The following SLC10A6 variants were observed in gnomAD, a reference collection of about 807,000 sequenced individuals.
SLC10A6 encodes sodium-dependent organic anion transporter.
SLC10A6 carries 27 observed loss-of-function variants against 30.0 expected under a neutral mutation model. That is an observed-to-expected ratio of 0.90 (90% CI 0.66 to 1.24). The LOEUF (loss-of-function observed/expected upper bound fraction) is 1.24. SLC10A6 is among the 50% of genes most tolerant of loss of function. The pLI is 0.00. For synonymous variants in SLC10A6, 166 were observed against 173.8 expected (o/e 0.95, Z 0.36); for missense variants, 439 against 457.0 (o/e 0.96, Z 0.36).
At chr4:86,830,617 G>A in intron 3 of SLC10A6, among the ~76,000 whole-genome samples, 1 of 152,112 alleles carries the variant, frequency 6.6e-6, no homozygotes, top group Middle Eastern at 3.2e-3. Flanking sequence ...CGCACTGAAG[G>A]AATGGTGGGA....
At chr4:86,848,090 C>T (rs1166709999) in intron 1 of SLC10A6, among the ~76,000 whole-genome samples, 2 of 152,132 alleles carry the variant, frequency 1.3e-5, no homozygotes, top group African/African-American at 4.8e-5. Context: ...AGGTCACTGG[C>T]TTAAAGGGAA....
intron 3 of SLC10A6, among the ~76,000 whole-genome samples, chr4:86,831,369 T>C (rs1408214853): frequency 1.3e-5 from 2 of 152,186 alleles, no homozygotes; most frequent in African/African-American, 2.4e-5. Context: ...CAGGAATGCT[T>C]CTGCAAGACA....
In SLC10A6 at chr4:86,848,960, G is replaced by A. The variant is rs536447180; in HGVS notation, c.156C>T (p.Ser52=). ...GCGACCACAGCTTCCGGATCTCCAC[G>A]GAACATCCCAAAGAGAACATGAGCA... The part of the protein sequence containing the change: ...MGLLMFSLGC[S]VEIRKLWSHI... Residue 52 remains serine (S), a synonymous_variant, in exon 1 of 6, where the codon TCC becomes TCT. Transcript: ENST00000273905. 1.2e-5 allele frequency: 20 copies of A among 1,614,082 alleles called. No individual in the cohort carries two copies. In the East Asian group the frequency reaches 2.9e-4, roughly 23 times the overall value.
chr4:86,848,584 G>T (rs1316625012), intron 1 of SLC10A6, among the ~76,000 whole-genome samples, 155 bp downstream of exon 1: 6 of 152,166 alleles, frequency 3.9e-5, no homozygotes, highest in Non-Finnish European at 7.4e-5. Flanking sequence ...TGAAAGGAAA[G>T]CCCACCCATG....
Position 86,848,978 on chromosome 4 carries a change from C to T in SLC10A6, c.138G>A (p.Met46Ile). Residue 46 changes from methionine to isoleucine, a missense_variant, in exon 1 of 6, where the codon ATG becomes ATA. Met to Ile is a conservative substitution (Grantham distance 10, BLOSUM62 1). Coordinates refer to ENST00000273905, the MANE Select transcript of SLC10A6 (RefSeq NM_197965.3). ...VVSTVMMGLLMFSLGCSVEIR... is the reference protein window; with the variant it reads ...VVSTVMMGLLIFSLGCSVEIR... The stretch of plus-strand genomic sequence containing the variant: ...TCTCCACGGAACATCCCAAAGAGAA[C>T]ATGAGCAGCCCCATCATCACAGTGG... 1 of 1,614,144 alleles carries T rather than the reference C, an allele frequency of 6.2e-7. No homozygotes were observed. Among genetic ancestry groups the T allele is most frequent in the Middle Eastern group, 1.6e-4 (1 of 6,062 alleles).
chr4:86,842,849 T>G (rs1746323093), intron 1 of SLC10A6, among the ~76,000 whole-genome samples: 4 of 59,808 alleles, frequency 6.7e-5, no homozygotes, highest in African/African-American at 2.9e-4. Context: ...TTTCTTTCTT[T>G]CTTTCTTTCT....
intron 1 of SLC10A6, among the ~76,000 whole-genome samples, chr4:86,839,604 T>A (rs1045746907): frequency 2.0e-5 from 3 of 152,250 alleles, no homozygotes; most frequent in African/African-American, 7.2e-5. Flanking sequence ...AAATATGCCA[T>A]AATTTCTTCA....
chr4:86,843,299 C>G lies in SLC10A6; in HGVS notation c.377+5440G>C, dbSNP rs554736875. 8.5e-5 allele frequency among the ~76,000 whole-genome samples: 13 copies of G among 152,194 alleles called. No individual in the cohort carries two copies. The South Asian group carries it at 1.5e-3, about 17-fold the overall frequency. On this transcript the variant is annotated intron_variant, in intron 1 of 5. Coordinates refer to ENST00000273905, the MANE Select transcript of SLC10A6 (RefSeq NM_197965.3). ...TACTGTGCAAGCAAAGATGAGCAAG[C>G]CTTCCAGGAGCTTACAGATATAGTA... is the stretch of plus-strand genomic sequence containing the variant.
intron 1 of SLC10A6, among the ~76,000 whole-genome samples, chr4:86,847,855 A>G (rs953874155): frequency 3.3e-5 from 5 of 152,230 alleles, no homozygotes; most frequent in African/African-American, 1.2e-4. Context: ...CAGGGCAGGA[A>G]GTGAAACGGC....
chr4:86,837,225 G>GAA (rs1553899171), intron 1 of SLC10A6, among the ~76,000 whole-genome samples: 605 of 38,984 alleles, frequency 0.016, 5 homozygotes, highest in African/African-American at 0.024. Context: ...GAGAGAGAGA[G>GAA]AGAAAGAAAG....
chr4:86,839,094 A>G (rs933714894), intron 1 of SLC10A6, among the ~76,000 whole-genome samples: 1 of 151,690 alleles, frequency 6.6e-6, no homozygotes, highest in Non-Finnish European at 1.5e-5. Flanking sequence ...TTATTTCATG[A>G]TTGTTTGTTA....
intron 1 of SLC10A6, 126 bp downstream of exon 1, chr4:86,848,613 A>G (rs1006964974): frequency 8.0e-7 from 1 of 1,255,792 alleles, no homozygotes; most frequent in South Asian, 1.5e-5. Flanking sequence ...AGTCTCTGTG[A>G]TATTTGTAAC....
chr4:86,846,898 T>G (rs1578761954), intron 1 of SLC10A6, among the ~76,000 whole-genome samples: 2 of 152,114 alleles, frequency 1.3e-5, no homozygotes, highest in African/African-American at 4.8e-5. Context: ...AAGATAAGAG[T>G]TGGCAAAAGA....
rs1377897278 is a variant in SLC10A6 at position 86,823,541 on chromosome 4, T to G, written c.*147A>C. ...TCTCCAAAAGTGATCCCATCACAATTCACAATCCACATGAAAATATAAATA... is the reference window on the plus strand; with the variant it reads ...TCTCCAAAAGTGATCCCATCACAATGCACAATCCACATGAAAATATAAATA... On this transcript the variant is annotated 3_prime_UTR_variant, in exon 6 of 6. Transcript: ENST00000273905. 1.5e-6 allele frequency: 1 copy of G among 662,386 alleles called. No individual in the cohort carries two copies. Among genetic ancestry groups the G allele is most frequent in the African/African-American group, 1.8e-5 (1 of 54,876 alleles). 41.0% of individuals were successfully genotyped at this position (662,386 alleles called of 1,614,324 possible).
At position 86,849,181 on chromosome 4, in the gene SLC10A6, T is replaced by C; in HGVS notation, c.-66A>G. Reference sequence around the variant, plus strand: ...CAACAATGGCTGGGCAGGTCTATCCTGCCACATTTTGTAATAGTGCAACGA... The same window carrying C: ...CAACAATGGCTGGGCAGGTCTATCCCGCCACATTTTGTAATAGTGCAACGA... On this transcript the variant is annotated 5_prime_UTR_variant, in exon 1 of 6. Coordinates refer to ENST00000273905, the MANE Select transcript of SLC10A6 (RefSeq NM_197965.3). The C allele has an allele frequency of 4.6e-6, 7 of 1,525,738 alleles. No individual in the cohort carries two copies. Among genetic ancestry groups the C allele is most frequent in the East Asian group, 2.3e-5 (1 of 44,274 alleles). 94.5% of individuals were successfully genotyped at this position (1,525,738 alleles called of 1,614,324 possible). A position where few individuals can be genotyped will look rare whatever the true frequency, so the allele number is the denominator to read the frequency against.
intron 4 of SLC10A6, 120 bp from the exon 5 acceptor site, chr4:86,825,697 A>G (rs913792647): frequency 4.7e-6 from 5 of 1,074,214 alleles, no homozygotes; most frequent in Non-Finnish European, 6.4e-6. Context: ...ATGTGTACTC[A>G]TTCCATAGTT....
intron 1 of SLC10A6, among the ~76,000 whole-genome samples, chr4:86,835,663 T>G (rs778423643): frequency 7.3e-6 from 1 of 136,824 alleles, no homozygotes; most frequent in Admixed American, 7.7e-5. Context: ...TGAAACTCCA[T>G]CTCAAAAAAA....
intron 1 of SLC10A6, among the ~76,000 whole-genome samples, chr4:86,838,766 T>C (rs1381054562): frequency 6.6e-6 from 1 of 151,054 alleles, no homozygotes; most frequent in Non-Finnish European, 1.5e-5. Flanking sequence ...CTAAAAAAAA[T>C]ACAAAAATTA....
At chr4:86,829,354 T>C (rs777885787) in intron 3 of SLC10A6, among the ~76,000 whole-genome samples, 21 of 152,084 alleles carry the variant, frequency 1.4e-4, no homozygotes, top group Non-Finnish European at 2.9e-4. Flanking sequence ...GAGGTTGCAG[T>C]GAGCCAAGAT....
Sources: gnomAD v4.1 joint callset for allele counts (sites outside exome capture counted in the v4.1 genomes callset) on GRCh38, gnomAD v4.1.1 for gene constraint, MANE v1.5 for transcripts, NCBI Gene and HGNC (gene_info 2026-07-23, HGNC 2026-07-21) for gene names.